ZNF704: variants seen among roughly 807,000 people sequenced by gnomAD.
ZNF704 encodes zinc finger protein 704.
ZNF704 carries 10 observed loss-of-function variants against 44.7 expected under a neutral mutation model. The ratio of observed to expected loss-of-function variants is 0.22; its 90% CI spans 0.14 to 0.38. The LOEUF (loss-of-function observed/expected upper bound fraction) is 0.38, where lower values mean the gene tolerates loss of function less well. Ranked by LOEUF, ZNF704 falls within the 10% of genes least tolerant of loss-of-function variation. The pLI, the probability that ZNF704 is intolerant of heterozygous loss-of-function variation, is 1.00. For missense variants in ZNF704, 390 were observed against 545.5 expected (o/e 0.71, Z 2.84); for synonymous variants, 211 against 207.6 (o/e 1.02, Z -0.14).
chr8:80,832,392 GTC>G (rs1377557108), intron 1 of ZNF704, among the ~76,000 whole-genome samples: 2 of 152,190 alleles, frequency 1.3e-5, no homozygotes, highest in Non-Finnish European at 2.9e-5. Flanking sequence ...AAAAGAGAAT[GTC>G]TCTGACTTCA....
intron 1 of ZNF704, among the ~76,000 whole-genome samples, chr8:80,873,328 C>G (rs1040665267): frequency 2.0e-5 from 3 of 152,162 alleles, no homozygotes; most frequent in Non-Finnish European, 2.9e-5. Flanking sequence ...CGGGAGCCGC[C>G]GCCTGGGAGA....
intron 1 of ZNF704, among the ~76,000 whole-genome samples, chr8:80,852,406 A>G (rs76351350): frequency 1.4e-3 from 206 of 152,354 alleles, no homozygotes; most frequent in Non-Finnish European, 1.8e-3. Context: ...TTTGACTGAT[A>G]AACTTTAATA....
At chr8:80,812,732 A>C (rs957857240) in intron 2 of ZNF704, among the ~76,000 whole-genome samples, 1 of 152,050 alleles carries the variant, frequency 6.6e-6, no homozygotes, top group African/African-American at 2.4e-5. Context: ...TCTTTTTCCT[A>C]TTTTTAATGT....
chr8:80,868,596 C>A (rs1809197262), intron 1 of ZNF704, among the ~76,000 whole-genome samples: 1 of 152,382 alleles, frequency 6.6e-6, no homozygotes, highest in South Asian at 2.1e-4. Context: ...GGGAGCTATA[C>A]TGATTCCCAA....
intron 2 of ZNF704, among the ~76,000 whole-genome samples, chr8:80,775,708 C>G (rs1807399558): frequency 6.6e-6 from 1 of 152,082 alleles, no homozygotes; most frequent in Non-Finnish European, 1.5e-5. Context: ...GGAAGAAATG[C>G]AAAAATTATA....
At chr8:80,832,246 A>G (rs1271527248) in intron 1 of ZNF704, among the ~76,000 whole-genome samples, 2 of 152,134 alleles carry the variant, frequency 1.3e-5, no homozygotes, top group African/African-American at 4.8e-5. Context: ...AACAGTATCT[A>G]TTTATGTCCT....
intron 5 of ZNF704, 135 bp downstream of exon 5, chr8:80,670,368 C>T: frequency 1.6e-6 from 1 of 642,054 alleles, no homozygotes; most frequent in Non-Finnish European, 2.8e-6. Flanking sequence ...GTGGCCATCT[C>T]TCTAGAGATT....
intron 2 of ZNF704, 115 bp downstream of exon 2, chr8:80,821,259 C>G: frequency 8.6e-7 from 1 of 1,159,096 alleles, no homozygotes; most frequent in East Asian, 2.4e-5. Flanking sequence ...AATTTCTTGG[C>G]AGAAAACCTT....
At chr8:80,826,743 A>T (rs1232376076) in intron 1 of ZNF704, among the ~76,000 whole-genome samples, 1 of 152,226 alleles carries the variant, frequency 6.6e-6, no homozygotes, top group East Asian at 1.9e-4. Context: ...AGTTGGCTTC[A>T]TCCCTGGGAT....
At chr8:80,793,827 T>C (rs1807753474) in intron 2 of ZNF704, among the ~76,000 whole-genome samples, 1 of 152,192 alleles carries the variant, frequency 6.6e-6, no homozygotes, top group South Asian at 2.1e-4. Flanking sequence ...CAATGAAAAC[T>C]GAGAAGTTAT....
intron 4 of ZNF704, among the ~76,000 whole-genome samples, chr8:80,683,254 T>C (rs979097716): frequency 5.6e-4 from 86 of 152,354 alleles, no homozygotes; most frequent in African/African-American, 2.0e-3. Context: ...GACCTGGGCT[T>C]GACAAAGTTG....
At chr8:80,722,153 T>C (rs963911683) in intron 2 of ZNF704, among the ~76,000 whole-genome samples, 4 of 152,104 alleles carry the variant, frequency 2.6e-5, no homozygotes, top group Admixed American at 6.5e-5. Context: ...GGAAGGAGGA[T>C]TGCCTGAGTC....
chr8:80,772,912 T>A (rs554143725), intron 2 of ZNF704, among the ~76,000 whole-genome samples: 1 of 152,318 alleles, frequency 6.6e-6, no homozygotes, highest in Admixed American at 6.5e-5. Context: ...TATCACTGCA[T>A]TAGCTGTGTC....
chr8:80,745,649 G>A (rs1038689264), intron 2 of ZNF704, among the ~76,000 whole-genome samples: 1 of 152,024 alleles, frequency 6.6e-6, no homozygotes, highest in African/African-American at 2.4e-5. Context: ...ATATCACAAG[G>A]GGATTACTAT....
intron 5 of ZNF704, among the ~76,000 whole-genome samples, chr8:80,670,012 TA>T (rs1404900155): frequency 2.0e-5 from 3 of 152,338 alleles, no homozygotes; most frequent in African/African-American, 7.2e-5. Flanking sequence ...GAACTCTTTT[TA>T]GGCTATATAT....
intron 2 of ZNF704, among the ~76,000 whole-genome samples, chr8:80,742,053 C>T (rs1487795939): frequency 2.0e-5 from 3 of 152,142 alleles, no homozygotes; most frequent in Non-Finnish European, 4.4e-5. Flanking sequence ...TCCGAGAACA[C>T]CTATCAAACA....
upstream of ZNF704, among the ~76,000 whole-genome samples, chr8:80,876,668 T>C (rs1288634327): frequency 1.3e-5 from 2 of 152,188 alleles, no homozygotes; most frequent in African/African-American, 2.4e-5. Flanking sequence ...GAAATGGGGA[T>C]CATAGTAGTA....
At chr8:80,757,751 T>C (rs1320093076) in intron 2 of ZNF704, among the ~76,000 whole-genome samples, 1 of 152,202 alleles carries the variant, frequency 6.6e-6, no homozygotes, top group South Asian at 2.1e-4. Context: ...TTTAGATAGA[T>C]TTAAATACAC....
At chr8:80,833,757 T>C (rs1358178937) in intron 1 of ZNF704, among the ~76,000 whole-genome samples, 1 of 152,192 alleles carries the variant, frequency 6.6e-6, no homozygotes, top group Non-Finnish European at 1.5e-5. Context: ...TGTTGCCCTA[T>C]GTACATGGTA....
Sources: allele counts gnomAD v4.1 joint callset (sites outside exome capture counted in the v4.1 genomes callset), GRCh38; gene constraint gnomAD v4.1.1; transcripts MANE v1.5; gene names NCBI Gene and HGNC (gene_info 2026-07-23, HGNC 2026-07-21).